The following PLCG2 variants were observed in gnomAD, a reference collection of about 807,000 sequenced individuals.
PLCG2 encodes phospholipase C gamma 2.
A neutral mutation model predicts 175.6 loss-of-function variants in PLCG2; 69 were observed. That is an observed-to-expected ratio of 0.39 (90% CI 0.32 to 0.48). The LOEUF (loss-of-function observed/expected upper bound fraction) is 0.48, where lower values mean the gene tolerates loss of function less well. Ranked by LOEUF, PLCG2 falls within the 20% of genes least tolerant of loss-of-function variation. PLCG2 has a pLI of 0.91. For missense variants in PLCG2, 1,798 were observed against 1,650.9 expected, an observed-to-expected ratio of 1.09 and a Z score of -1.54; for synonymous variants, 827 against 624.0, an observed-to-expected ratio of 1.33 and a Z score of -4.85.
At chr16:81,910,420 G>C in intron 17 of PLCG2, 100 bp from the exon 18 acceptor site, 1 of 1,019,596 alleles carries the variant, frequency 9.8e-7, no homozygotes, top group South Asian at 1.4e-5. Context: ...GCAGAGGGAA[G>C]GTTGTGTGGC....
intron 2 of PLCG2, among the ~76,000 whole-genome samples, chr16:81,822,161 T>C (rs1904827830): frequency 1.3e-5 from 2 of 152,172 alleles, no homozygotes; most frequent in African/African-American, 4.8e-5. Flanking sequence ...CTTAGCTTTG[T>C]CAATTGTGGT....
chr16:81,769,819 CAAAAAAAAAAAAAAA>C (rs71146043), intron 2 of PLCG2, among the ~76,000 whole-genome samples: 2 of 75,676 alleles, frequency 2.6e-5, no homozygotes, highest in East Asian at 9.6e-4. Context: ...GACTCCGTCT[CAAAAAAAAAAAAAAA>C]AAAAAAAAAA....
At chr16:81,886,974 T>C (rs535742762) in intron 9 of PLCG2, among the ~76,000 whole-genome samples, 1 of 152,318 alleles carries the variant, frequency 6.6e-6, no homozygotes, top group South Asian at 2.1e-4. Flanking sequence ...CTTCTTTAGG[T>C]AGAAGATTTC....
intron 9 of PLCG2, 152 bp from the exon 10 acceptor site, chr16:81,889,020 A>AGCAT (rs1390303417): frequency 8.8e-6 from 5 of 567,244 alleles, no homozygotes; most frequent in African/African-American, 1.9e-5. Flanking sequence ...GGCCATGTGC[A>AGCAT]GAATGAGGCC....
intron 19 of PLCG2, among the ~76,000 whole-genome samples, chr16:81,916,445 C>G (rs1432085900): frequency 1.3e-5 from 2 of 152,036 alleles, no homozygotes; most frequent in African/African-American, 2.4e-5. Context: ...AACGATGCCT[C>G]TAGATGCTTT....
intron 2 of PLCG2, among the ~76,000 whole-genome samples, chr16:81,773,954 T>C: frequency 6.6e-6 from 1 of 151,254 alleles, no homozygotes; most frequent in Admixed American, 6.6e-5. Context: ...AGCCTGGGAG[T>C]GCCTGGCCCC....
At chr16:81,827,753 T>C (rs1254537978) in intron 2 of PLCG2, among the ~76,000 whole-genome samples, 1 of 151,900 alleles carries the variant, frequency 6.6e-6, no homozygotes, top group African/African-American at 2.4e-5. Flanking sequence ...AGATCTGCAG[T>C]TGGAAATGTA....
Position 81,928,795 on chromosome 16 carries a change from A to G in PLCG2, c.2581+171A>G. 5 of 575,664 alleles carry G rather than the reference A, an allele frequency of 8.7e-6. No homozygotes were observed. The South Asian group carries it at 1.2e-4, about 14-fold the overall frequency. The allele number at this position is 575,664 out of a possible 1,614,324, so 35.7% of individuals were successfully genotyped here. A position where few individuals can be genotyped will look rare whatever the true frequency, so the allele number is the denominator to read the frequency against. On this transcript the variant is annotated intron_variant, in intron 24 of 32. Transcript: ENST00000564138. Reference sequence around the variant, plus strand: ...CAGGCTGGTCAGTGAGTATGATGCTATGTCTGCTATTAATCTCTACTAAAA... The same window carrying G: ...CAGGCTGGTCAGTGAGTATGATGCTGTGTCTGCTATTAATCTCTACTAAAA...
chr16:81,776,101 T>TTTTCTTTTTTTC (rs770091973), upstream of PLCG2, among the ~76,000 whole-genome samples: 1 of 55,310 alleles, frequency 1.8e-5, no homozygotes, highest in Non-Finnish European at 4.1e-5. Context: ...TTCTTTCTTT[T>TTTTCTTTTTTTC]TTTCCTTCTT....
At chr16:81,896,020 A>G in intron 13 of PLCG2, 93 bp downstream of exon 13, 1 of 1,467,018 alleles carries the variant, frequency 6.8e-7, no homozygotes. Flanking sequence ...ACACACAGAC[A>G]CCTCCCTCCA....
intron 2 of PLCG2, among the ~76,000 whole-genome samples, chr16:81,809,274 T>C (rs913720540): frequency 6.6e-6 from 1 of 152,112 alleles, no homozygotes; most frequent in Non-Finnish European, 1.5e-5. Context: ...TGGTGCAGGA[T>C]AGGCTGGGAG....
chr16:81,754,597 A>G (rs1449018299), intron 1 of PLCG2, among the ~76,000 whole-genome samples: 1 of 149,674 alleles, frequency 6.7e-6, no homozygotes. Flanking sequence ...ACAGTTTGTC[A>G]AGGACCTGGT....
At chr16:81,861,446 G>T (rs1906975755) in intron 5 of PLCG2, among the ~76,000 whole-genome samples, 1 of 152,194 alleles carries the variant, frequency 6.6e-6, no homozygotes, top group African/African-American at 2.4e-5. Flanking sequence ...CTATTAACTA[G>T]GAAGTGGTTA....
upstream of PLCG2, chr16:81,779,182 G>T (rs1317099936): frequency 1.3e-5 from 2 of 152,144 alleles, no homozygotes; most frequent in South Asian, 2.0e-4. Flanking sequence ...GGTGCGCTCC[G>T]AGAGGCGGAC....
intron 2 of PLCG2, among the ~76,000 whole-genome samples, chr16:81,822,862 C>T (rs1904866906): frequency 6.6e-6 from 1 of 151,036 alleles, no homozygotes; most frequent in Non-Finnish European, 1.5e-5. Context: ...GCTTCAAAGG[C>T]AGAGGAAGAG....
intron 2 of PLCG2, among the ~76,000 whole-genome samples, chr16:81,842,438 C>A (rs1905885504): frequency 6.6e-6 from 1 of 152,196 alleles, no homozygotes; most frequent in African/African-American, 2.4e-5. Context: ...TGCAGTGTGG[C>A]ATCCCTAGCG....
In PLCG2 at chr16:81,765,096, A is replaced by C. The variant is rs557280233; in HGVS notation, c.-48+9130A>C. Among the ~76,000 whole-genome samples the C allele has an allele frequency of 8.4e-3, 1,285 of 152,090 alleles. 25 individuals carry two copies. The highest frequency in any genetic ancestry group is 0.029 in the African/African-American group (1,208 of 41,344). ...GAGTGAGATGAGACACTGTCCCCCCACAAAAAAAATAAATCAATGACTGGT... is the reference window on the plus strand; with the variant it reads ...GAGTGAGATGAGACACTGTCCCCCCCCAAAAAAAATAAATCAATGACTGGT... On this transcript the variant is annotated intron_variant, in intron 2 of 5. Transcript: ENST00000565054.
intron 2 of PLCG2, among the ~76,000 whole-genome samples, chr16:81,828,323 G>T (rs949529776): frequency 3.9e-5 from 5 of 126,942 alleles, no homozygotes; most frequent in African/African-American, 1.5e-4. Flanking sequence ...TCGGCTCACT[G>T]CAAGCTCCGC....
intron 7 of PLCG2, among the ~76,000 whole-genome samples, chr16:81,873,038 T>A (rs12716921): frequency 0.55 from 83,148 of 152,040 alleles, 23,485 homozygotes; most frequent in Middle Eastern, 0.63. Flanking sequence ...AACATATTTC[T>A]TAGAGTGGAT....
Sources: allele counts gnomAD v4.1 joint callset (sites outside exome capture counted in the v4.1 genomes callset), GRCh38; gene constraint gnomAD v4.1.1; transcripts MANE v1.5; gene names NCBI Gene and HGNC (gene_info 2026-07-23, HGNC 2026-07-21).